The following XKR4 variants were observed in gnomAD, a reference collection of about 807,000 sequenced individuals.
XKR4 encodes the protein XK related 4.
Under a neutral mutation model 53.9 loss-of-function variants are expected in XKR4, and 12 were observed. The observed-to-expected ratio is 0.22, with a 90% confidence interval of 0.14 to 0.36. The LOEUF (loss-of-function observed/expected upper bound fraction) is 0.36, where lower values mean the gene tolerates loss of function less well. Ranked by LOEUF, XKR4 falls within the 10% of genes least tolerant of loss-of-function variation. The probability of loss-of-function intolerance (pLI) is 1.00; values close to 1 mark genes in which losing one functional copy is unlikely to be tolerated. For missense variants in XKR4, 799 were observed against 859.5 expected, an observed-to-expected ratio of 0.93 and a Z score of 0.88; for synonymous variants, 354 against 362.4, an observed-to-expected ratio of 0.98 and a Z score of 0.26.
At chr8:55,300,410 T>C (rs1198406017) in intron 1 of XKR4, among the ~76,000 whole-genome samples, 8 of 152,122 alleles carry the variant, frequency 5.3e-5, no homozygotes, top group Admixed American at 5.2e-4. Flanking sequence ...AGTTTATTTC[T>C]GGGTGATGAC....
intron 1 of XKR4, among the ~76,000 whole-genome samples, chr8:55,350,738 CTTTTTTT>C (rs1028164969): frequency 4.1e-5 from 5 of 122,430 alleles, no homozygotes; most frequent in Non-Finnish European, 6.9e-5. Context: ...TTTTTCTTTT[CTTTTTTT>C]TTTTTTTTTT....
intron 2 of XKR4, among the ~76,000 whole-genome samples, chr8:55,400,583 T>C (rs1380308106): frequency 6.6e-6 from 1 of 152,130 alleles, no homozygotes; most frequent in Non-Finnish European, 1.5e-5. Context: ...GAGGAGAAGA[T>C]GGCAGAGAGA....
At chr8:55,112,284 C>G (rs935830467) in intron 1 of XKR4, among the ~76,000 whole-genome samples, 8 of 152,094 alleles carry the variant, frequency 5.3e-5, no homozygotes, top group Non-Finnish European at 1.0e-4. Context: ...ATAAACAGAG[C>G]AGTGGGCATT....
chr8:55,240,744 A>T (rs1818199521), intron 1 of XKR4, among the ~76,000 whole-genome samples: 2 of 152,186 alleles, frequency 1.3e-5, no homozygotes. Flanking sequence ...TTCATAAGTA[A>T]ATTATCATTT....
chr8:55,190,592 A>G (rs1423762267), intron 1 of XKR4, among the ~76,000 whole-genome samples: 1 of 152,234 alleles, frequency 6.6e-6, no homozygotes, highest in Non-Finnish European at 1.5e-5. Flanking sequence ...AGTTGATTCT[A>G]TGATCACTTA....
intron 1 of XKR4, among the ~76,000 whole-genome samples, chr8:55,176,931 C>A (rs527506115): frequency 6.6e-6 from 1 of 152,000 alleles, no homozygotes; most frequent in East Asian, 1.9e-4. Context: ...CAAATTTGTG[C>A]GCAGCCAAAT....
At chr8:55,222,595 A>T (rs1186397496) in intron 1 of XKR4, among the ~76,000 whole-genome samples, 1 of 152,274 alleles carries the variant, frequency 6.6e-6, no homozygotes, top group Admixed American at 6.5e-5. Flanking sequence ...TATTTTATTC[A>T]TTTGTCTATG....
At chr8:55,290,060 T>C (rs995768464) in intron 1 of XKR4, among the ~76,000 whole-genome samples, 3 of 152,110 alleles carry the variant, frequency 2.0e-5, no homozygotes, top group African/African-American at 7.2e-5. Context: ...TACCTCATTG[T>C]GGTTTTAATT....
chr8:55,139,512 C>CAAAAA (rs5891559), intron 1 of XKR4, among the ~76,000 whole-genome samples: 16 of 114,488 alleles, frequency 1.4e-4, no homozygotes, highest in African/African-American at 4.8e-4. Context: ...GACTCCGTCT[C>CAAAAA]AAAAAAAAAA....
intron 2 of XKR4, among the ~76,000 whole-genome samples, chr8:55,497,153 G>C (rs542912316): frequency 1.3e-5 from 2 of 152,170 alleles, no homozygotes; most frequent in Non-Finnish European, 2.9e-5. Context: ...GCAAACTCCT[G>C]AACCGTATTT....
chr8:55,344,030 C>T (rs979629029), intron 1 of XKR4, among the ~76,000 whole-genome samples: 3 of 152,130 alleles, frequency 2.0e-5, no homozygotes, highest in Admixed American at 2.0e-4. Context: ...GAAGTTGGCA[C>T]TTTGCTGGTG....
chr8:55,268,163 G>A (rs1389391781), intron 1 of XKR4, among the ~76,000 whole-genome samples: 1 of 152,138 alleles, frequency 6.6e-6, no homozygotes, highest in African/African-American at 2.4e-5. Context: ...GCCATCATGA[G>A]TACATTATGC....
At chr8:55,237,905 G>A (rs1818155873) in intron 1 of XKR4, among the ~76,000 whole-genome samples, 1 of 151,974 alleles carries the variant, frequency 6.6e-6, no homozygotes, top group South Asian at 2.1e-4. Flanking sequence ...CATCCCCAGG[G>A]TAGTGCCTAG....
chr8:55,466,567 A>G (rs1193733587), intron 2 of XKR4, among the ~76,000 whole-genome samples: 2 of 152,080 alleles, frequency 1.3e-5, no homozygotes, highest in Admixed American at 1.3e-4. Context: ...GCACACCAAC[A>G]TGGCACATGT....
At chr8:55,498,943 T>G (rs997109410) in intron 2 of XKR4, among the ~76,000 whole-genome samples, 9 of 152,252 alleles carry the variant, frequency 5.9e-5, no homozygotes, top group African/African-American at 2.2e-4. Context: ...AGGACTTGAC[T>G]TTCTAGGATC....
chr8:55,320,841 A>C (rs979242058), intron 1 of XKR4, among the ~76,000 whole-genome samples: 1 of 152,104 alleles, frequency 6.6e-6, no homozygotes, highest in Admixed American at 6.5e-5. Flanking sequence ...ACTACGACAG[A>C]AGGCTTCTGT....
intron 1 of XKR4, among the ~76,000 whole-genome samples, chr8:55,191,436 T>G (rs565479474): frequency 3.3e-5 from 5 of 152,210 alleles, no homozygotes; most frequent in Non-Finnish European, 5.9e-5. Context: ...TTTGTCCACT[T>G]TGGCCAGTAG....
At chr8:55,137,752 T>G (rs1398424279) in intron 1 of XKR4, among the ~76,000 whole-genome samples, 2 of 151,864 alleles carry the variant, frequency 1.3e-5, no homozygotes, top group Non-Finnish European at 2.9e-5. Flanking sequence ...TTATTTTTTT[T>G]GTAGAAACAA....
At chr8:55,522,971 T>A (rs1023029507) in intron 2 of XKR4, among the ~76,000 whole-genome samples, 1 of 151,928 alleles carries the variant, frequency 6.6e-6, no homozygotes, top group Non-Finnish European at 1.5e-5. Context: ...TGAAACCCCG[T>A]CTCTACTAAA....
Sources: allele counts gnomAD v4.1 joint callset (sites outside exome capture counted in the v4.1 genomes callset), GRCh38; gene constraint gnomAD v4.1.1; transcripts MANE v1.5; gene names NCBI Gene and HGNC (gene_info 2026-07-23, HGNC 2026-07-21).